The following IRF4 variants were observed in gnomAD, a reference collection of about 807,000 sequenced individuals.
The protein encoded by IRF4 is interferon regulatory factor 4.
In IRF4, 13 loss-of-function variants were observed where a neutral mutation model predicts 55.5. The ratio of observed to expected loss-of-function variants is 0.23; its 90% confidence interval spans 0.15 to 0.37. The LOEUF is 0.37. Ranked by LOEUF, IRF4 falls within the 10% of genes least tolerant of loss-of-function variation. The probability of loss-of-function intolerance (pLI) is 1.00; values close to 1 mark genes in which losing one functional copy is unlikely to be tolerated. For synonymous variants in IRF4, 249 were observed against 240.7 expected (o/e 1.03, Z -0.32); for missense variants, 397 against 593.8 (o/e 0.67, Z 3.44).
In IRF4 at chr6:409,108, C is replaced by T. The variant is rs1761626344; in HGVS notation, c.*1510C>T. 1 of 216,618 alleles carries T rather than the reference C, an allele frequency of 4.6e-6. No individual in the cohort carries two copies. Among genetic ancestry groups the T allele is most frequent in the Non-Finnish European group, 9.3e-6 (1 of 107,402 alleles). The allele number at this position is 216,618 out of a possible 1,614,324, so 13.4% of individuals were successfully genotyped here. On this transcript the variant is annotated 3_prime_UTR_variant, in exon 9 of 9. Coordinates refer to ENST00000380956, the MANE Select transcript of IRF4 (RefSeq NM_002460.4). Reference sequence around the variant, plus strand: ...ATTGCGTAGCTCTCAAATGTGTGTTCCTGCTTTTCTAATGGATATTTTAAA... The same window carrying T: ...ATTGCGTAGCTCTCAAATGTGTGTTTCTGCTTTTCTAATGGATATTTTAAA...
rs199919569 is a variant in IRF4 at position 401,737 on chromosome 6, C to G, written c.1059C>G (p.Asp353Glu). The change falls in exon 7 of 9, where the codon GAC becomes GAG. Residue 353 changes from aspartate (D) to glutamate (E), a missense_variant. Asp to Glu is a conservative substitution (Grantham distance 45). Transcript: ENST00000380956. Reference protein sequence around the residue: ...CNDRPNKLERDQTCKLFDTQQ... With the variant: ...CNDRPNKLEREQTCKLFDTQQ... ...ACCGGCCCAACAAACTGGAGAGAGA[C>G]CAGACCTGCAAGCTCTTTGACACAC... 10 of 1,614,224 alleles carry G rather than the reference C, an allele frequency of 6.2e-6. No homozygotes were observed. Among genetic ancestry groups the G allele is most frequent in the Non-Finnish European group, 8.5e-6 (10 of 1,180,046 alleles).
Position 409,438 on chromosome 6 carries a change from ATAAACT to A in IRF4, c.*1845_*1850del, listed in dbSNP as rs906978199. The A allele has an allele frequency of 2.9e-5, 6 of 206,490 alleles. No homozygotes were observed. The highest frequency in any genetic ancestry group is 7.2e-5 in the East Asian group (1 of 13,894). The allele number at this position is 206,490 out of a possible 1,614,324, so 12.8% of individuals were successfully genotyped here. On this transcript the variant is annotated 3_prime_UTR_variant, in exon 9 of 9. Transcript: ENST00000380956. ...ACATTTCACTTTTCTGTAAATATAC[ATAAACT>A]TAAAAAGAAAACCTCATGGAGTCAT... is the stretch of plus-strand genomic sequence containing the variant.
rs866337341 is a variant in IRF4, at chr6:401,899, A to C, written c.1099+122A>C. ...CTTCCTCCTGTTGACTTCGGCGCCC[A>C]CTGGGCTTGGGGCTTGACTCCAGTA... On this transcript the variant is annotated intron_variant, in intron 7 of 8. Transcript: ENST00000380956. The C allele has an allele frequency of 1.1e-4, 93 of 819,352 alleles. No homozygotes were observed. The Middle Eastern group carries it at 3.3e-3, about 29-fold the overall frequency. The allele number at this position is 819,352 out of a possible 1,614,324, so 50.8% of individuals were successfully genotyped here. A position where few individuals can be genotyped will look rare whatever the true frequency, so the allele number is the denominator to read the frequency against.
rs1581226744 is a variant in IRF4, at chr6:400,088, G to A, written c.745+1153G>A. On this transcript the variant is annotated intron_variant, in intron 6 of 8. Transcript: ENST00000380956. ...AATGGCCAACACCCACTCTCTTTGG[G>A]GCGCACTGTCTGACTCGCTTTCAGA... 6.6e-5 allele frequency among the ~76,000 whole-genome samples: 10 copies of A among 152,176 alleles called. No homozygotes were observed. In the South Asian group the frequency reaches 1.9e-3, roughly 29 times the overall value.
Position 393,265 on chromosome 6 carries a change from C to T in IRF4, c.113C>T (p.Pro38Leu), listed in dbSNP as rs755738102. ...LIDQIDSGKY[P>L]GLVWENEEKS... is the part of the protein sequence containing the mutation. ...GACCAGATCGACAGCGGCAAGTACC[C>T]CGGGCTGGTGTGGGAGAACGAGGAG... The change falls in exon 2 of 9, where the codon CCC (proline) becomes CTC (leucine). Residue 38 changes from proline (P) to leucine (L), a missense_variant. Pro to Leu is a moderately conservative substitution (Grantham distance 98, BLOSUM62 -3). Coordinates refer to ENST00000380956, the MANE Select transcript of IRF4 (RefSeq NM_002460.4). This position sits in a 1 kb window ranked among gnomAD's most constrained non-coding sequence, Gnocchi z 5.4. The T allele has an allele frequency of 6.3e-7, 1 of 1,596,788 alleles. No homozygotes were observed. Among genetic ancestry groups the T allele is most frequent in the Non-Finnish European group, 8.5e-7 (1 of 1,171,866 alleles).
At position 393,463 on chromosome 6, in the gene IRF4, A is replaced by G; in HGVS notation, c.216+95A>G. 1.1e-6 allele frequency: 1 copy of G among 920,752 alleles called. No individual in the cohort carries two copies. Among genetic ancestry groups the G allele is most frequent in the Non-Finnish European group, 1.5e-6 (1 of 684,634 alleles). The allele number at this position is 920,752 out of a possible 1,614,324, so 57.0% of individuals were successfully genotyped here. On this transcript the variant is annotated intron_variant, in intron 2 of 8. Coordinates refer to ENST00000380956, the MANE Select transcript of IRF4 (RefSeq NM_002460.4). This position sits in a 1 kb window ranked among gnomAD's most constrained non-coding sequence, Gnocchi z 5.4. The stretch of plus-strand genomic sequence containing the variant: ...GCCGCCTCCGAGGCGAGCCCAGGGG[A>G]CCGCGCGGGGCGGACGGGCGGGCGG...
At position 393,468 on chromosome 6, in the gene IRF4, G is replaced by T; in HGVS notation, c.216+100G>T. On this transcript the variant is annotated intron_variant, in intron 2 of 8. Transcript: ENST00000380956. This position sits in a 1 kb window ranked among gnomAD's most constrained non-coding sequence, Gnocchi z 5.4. ...CTCCGAGGCGAGCCCAGGGGACCGC[G>T]CGGGGCGGACGGGCGGGCGGCGGAG... The T allele has an allele frequency of 1.1e-6, 1 of 887,084 alleles. No individual in the cohort carries two copies. Among genetic ancestry groups the T allele is most frequent in the East Asian group, 3.4e-5 (1 of 29,408 alleles). 55.0% of individuals were successfully genotyped at this position (887,084 alleles called of 1,614,324 possible). A position where few individuals can be genotyped will look rare whatever the true frequency, so the allele number is the denominator to read the frequency against.
At chr6:394,689 A>T (rs1023874449) in intron 2 of IRF4, 132 bp from the exon 3 acceptor site, 6 of 832,574 alleles carry the variant, frequency 7.2e-6, no homozygotes, top group Non-Finnish European at 1.1e-5. Flanking sequence ...CAGGAGTTCG[A>T]TGCTGCGGTG....
chr6:391,840 T>A (rs1581219297), intron 1 of IRF4, 31 bp downstream of exon 1: 1 of 454,098 alleles, frequency 2.2e-6, no homozygotes, highest in South Asian at 1.6e-5. Flanking sequence ...GGAGGAGGGG[T>A]GTGAGGCTGA....
intron 6 of IRF4, among the ~76,000 whole-genome samples, chr6:399,724 T>C (rs554199649): frequency 1.3e-4 from 20 of 152,342 alleles, no homozygotes; most frequent in African/African-American, 4.8e-4. Context: ...TGAAAAATAC[T>C]AACTAAATTC....
At position 395,000 on chromosome 6, in the gene IRF4, C is replaced by A; in HGVS notation, c.396C>A (p.Ala132=). 3 of 1,587,980 alleles carry A rather than the reference C, an allele frequency of 1.9e-6. No individual in the cohort carries two copies. The highest frequency in any genetic ancestry group is 1.7e-4 in the Middle Eastern group (1 of 5,922). ...YKVYRIVPEG[A]KKGAKQLTLE... ...TGTACAGGATTGTTCCTGAGGGAGC[C>A]AAAAAAGGTAGGGGCTCTCCTGAAT... The change falls in exon 3 of 9, where the codon GCC becomes GCA. Residue 132 remains alanine (A), a synonymous_variant. Transcript: ENST00000380956.
intron 7 of IRF4, 110 bp from the exon 8 acceptor site, chr6:404,908 A>G: frequency 1.5e-6 from 1 of 686,026 alleles, no homozygotes; most frequent in Non-Finnish European, 2.6e-6. Context: ...AAGAGTGCTC[A>G]TTCCTCTTGC....
Position 391,759 on chromosome 6 carries a change from C to T in IRF4, c.-106C>T. On this transcript the variant is annotated 5_prime_UTR_variant, in exon 1 of 9. Transcript: ENST00000380956. ...TTCCCACCTCGCACTCTCAGTTTCA[C>T]CGCTCGATCTTGGGACCCACCGCTG... The T allele has an allele frequency of 2.2e-6, 1 of 452,962 alleles. No individual in the cohort carries two copies. The highest frequency in any genetic ancestry group is 1.6e-5 in the South Asian group (1 of 64,144). 28.1% of individuals were successfully genotyped at this position (452,962 alleles called of 1,614,324 possible).
At chr6:396,455 C>T (rs1761260902) in intron 4 of IRF4, among the ~76,000 whole-genome samples, 1 of 152,230 alleles carries the variant, frequency 6.6e-6, no homozygotes, top group Non-Finnish European at 1.5e-5. Flanking sequence ...GGGTTCACTC[C>T]AGTCTTTTCG....
At chr6:400,625 A>C (rs1761370848) in intron 6 of IRF4, among the ~76,000 whole-genome samples, 1 of 152,232 alleles carries the variant, frequency 6.6e-6, no homozygotes, top group Non-Finnish European at 1.5e-5. Context: ...TAATTTAAAA[A>C]TCAGAAAAAC....
chr6:396,086 T>A (rs1761249131), intron 4 of IRF4, 151 bp downstream of exon 4: 4 of 621,444 alleles, frequency 6.4e-6, no homozygotes, highest in Non-Finnish European at 1.1e-5. Context: ...ACTGAACGAA[T>A]GTCTCACTTT....
At chr6:406,281 C>A (rs190839630) in intron 8 of IRF4, among the ~76,000 whole-genome samples, 1 of 152,204 alleles carries the variant, frequency 6.6e-6, no homozygotes, top group Admixed American at 6.5e-5. Context: ...CAGTGGCTCA[C>A]GCCTGTAATC....
chr6:399,978 G>A lies in IRF4; in HGVS notation c.745+1043G>A, dbSNP rs1581226644. On this transcript the variant is annotated intron_variant, in intron 6 of 8. Coordinates refer to ENST00000380956, the MANE Select transcript of IRF4 (RefSeq NM_002460.4). ...ACTTGTGTGGGTGCCTGAAGAGTAG[G>A]AAATAAACAGCTATTTATATCTCGG... Among the ~76,000 whole-genome samples the A allele has an allele frequency of 2.6e-5, 4 of 152,118 alleles. No individual in the cohort carries two copies. In the East Asian group the frequency reaches 7.7e-4, roughly 29 times the overall value.
At position 393,310 on chromosome 6, in the gene IRF4, C is replaced by A. The variant is rs781441118; in HGVS notation, c.158C>A (p.Pro53His). ...ENEEKSIFRI[P>H]WKHAGKQDYN... ...GAGGAGAAGAGCATCTTCCGCATCC[C>A]CTGGAAGCACGCGGGCAAGCAGGAC... The change falls in exon 2 of 9, where the codon CCC becomes CAC. Residue 53 changes from proline to histidine, a missense_variant. Physicochemically the swap from Pro to His is moderately conservative, Grantham distance 77. Transcript: ENST00000380956. The surrounding 1 kb of genome is among the most constrained non-coding windows in gnomAD (Gnocchi z 5.4). 1 of 1,608,476 alleles carries A rather than the reference C, an allele frequency of 6.2e-7. No homozygotes were observed. Among genetic ancestry groups the A allele is most frequent in the Non-Finnish European group, 8.5e-7 (1 of 1,177,836 alleles).
Sources: gnomAD v4.1 joint callset for allele counts (sites outside exome capture counted in the v4.1 genomes callset) on GRCh38, gnomAD v4.1.1 for gene constraint, Gnocchi (gnomAD v3.1) non-coding constraint, MANE v1.5 for transcripts, NCBI Gene and HGNC (gene_info 2026-07-23, HGNC 2026-07-21) for gene names.